The following ASB5 variants were observed in gnomAD, a reference collection of about 807,000 sequenced individuals.
The protein encoded by ASB5 is ankyrin repeat and SOCS box protein 5.
ASB5 carries 45 observed loss-of-function variants against 42.1 expected under a neutral mutation model. The observed-to-expected ratio is 1.07, with a 90% CI of 0.84 to 1.37. ASB5 has a LOEUF of 1.37. Ranked by LOEUF, ASB5 falls within the 40% of genes most tolerant of loss-of-function variation. The probability of loss-of-function intolerance (pLI) is 0.00; values close to 1 mark genes in which losing one functional copy is unlikely to be tolerated. For missense variants in ASB5, 402 were observed against 399.8 expected, an observed-to-expected ratio of 1.01 and a Z score of -0.05; for synonymous variants, 147 against 150.6, an observed-to-expected ratio of 0.98 and a Z score of 0.18.
At chr4:176,229,120 T>C (rs1361597296) in intron 1 of ASB5, among the ~76,000 whole-genome samples, 1 of 152,214 alleles carries the variant, frequency 6.6e-6, no homozygotes, top group Admixed American at 6.5e-5. Flanking sequence ...CTTATAATAT[T>C]TATAATGATC....
At chr4:176,254,690 C>T (rs1478660055) in intron 1 of ASB5, among the ~76,000 whole-genome samples, 1 of 152,096 alleles carries the variant, frequency 6.6e-6, no homozygotes, top group Non-Finnish European at 1.5e-5. Context: ...CTATAAGGAA[C>T]TTAATTCAAC....
chr4:176,241,772 C>T, intron 1 of ASB5: 1 of 817,598 alleles, frequency 1.2e-6, no homozygotes. Context: ...TTCCAAAGGT[C>T]ATTCATTTAT....
At chr4:176,219,273 G>T (rs1257795363) in intron 5 of ASB5, among the ~76,000 whole-genome samples, 7 of 101,226 alleles carry the variant, frequency 6.9e-5, no homozygotes, top group African/African-American at 2.4e-4. Context: ...ATATATATTT[G>T]TATGATATAT....
intron 5 of ASB5, 152 bp from the exon 6 acceptor site, chr4:176,217,161 A>G: frequency 1.6e-6 from 1 of 613,326 alleles, no homozygotes; most frequent in African/African-American, 1.8e-5. Flanking sequence ...ATATACATAT[A>G]CAGTATCTAC....
In ASB5 at chr4:176,219,024, A is replaced by C; in HGVS notation, c.671-2015T>G. Reference sequence around the variant, plus strand: ...TATAAATATATATGTATGATATATAAATATATATTTGTATGATATATAAAT... The same window carrying C: ...TATAAATATATATGTATGATATATACATATATATTTGTATGATATATAAAT... On this transcript the variant is annotated intron_variant, in intron 5 of 6. Coordinates refer to ENST00000296525, the MANE Select transcript of ASB5 (RefSeq NM_080874.4). Among the ~76,000 whole-genome samples the C allele has an allele frequency of 8.2e-5, 2 of 24,264 alleles. 1 individual carries two copies. The highest frequency in any genetic ancestry group is 1.6e-3 in the East Asian group (2 of 1,268). The allele number at this position is 24,264 out of a possible 152,430, so 15.9% of individuals were successfully genotyped here. A position where few individuals can be genotyped will look rare whatever the true frequency, so the allele number is the denominator to read the frequency against.
chr4:176,234,932 G>T (rs937936789), intron 1 of ASB5, among the ~76,000 whole-genome samples: 2 of 152,194 alleles, frequency 1.3e-5, no homozygotes, highest in African/African-American at 4.8e-5. Context: ...TCAATGTTAT[G>T]ATTTCCATTG....
chr4:176,241,508 G>A (rs1439579124), intron 1 of ASB5: 2 of 1,535,292 alleles, frequency 1.3e-6, no homozygotes, highest in Admixed American at 2.0e-5. Flanking sequence ...TCTGGAAGGG[G>A]CCATTATTCA....
intron 1 of ASB5, among the ~76,000 whole-genome samples, chr4:176,235,105 A>G (rs1753652951): frequency 6.6e-6 from 1 of 152,228 alleles, no homozygotes; most frequent in Non-Finnish European, 1.5e-5. Context: ...CTGTTATTCC[A>G]TAATGAGTCC....
rs1752939066 is a variant in ASB5, at chr4:176,215,392, AT to A, written c.*207del. ...TATATTGAAATAACAAAAAATAGAT[AT>A]TATAAATATGCTATAATCCAAAGAC... On this transcript the variant is annotated 3_prime_UTR_variant, in exon 7 of 7. Coordinates refer to ENST00000296525, the MANE Select transcript of ASB5 (RefSeq NM_080874.4). 1 of 377,090 alleles carries A rather than the reference AT, an allele frequency of 2.7e-6. No homozygotes were observed. Among genetic ancestry groups the A allele is most frequent in the Admixed American group, 4.5e-5 (1 of 22,372 alleles). The allele number at this position is 377,090 out of a possible 1,614,324, so 23.4% of individuals were successfully genotyped here.
At chr4:176,223,861 C>T (rs138600695) in intron 2 of ASB5, among the ~76,000 whole-genome samples, 1 of 152,320 alleles carries the variant, frequency 6.6e-6, no homozygotes, top group East Asian at 1.9e-4. Context: ...TGTCCTAAGA[C>T]TGCTCTTCTT....
intron 2 of ASB5, among the ~76,000 whole-genome samples, chr4:176,222,785 G>A (rs549007501): frequency 1.3e-5 from 2 of 152,106 alleles, no homozygotes; most frequent in Non-Finnish European, 2.9e-5. Flanking sequence ...TTTTGTTTTT[G>A]TTTTTGTTTT....
chr4:176,248,139 A>G (rs1332042050), intron 1 of ASB5, among the ~76,000 whole-genome samples: 3 of 152,024 alleles, frequency 2.0e-5, no homozygotes, highest in Non-Finnish European at 2.9e-5. Context: ...TTATCTTTTC[A>G]TTTTTTTGAG....
intron 1 of ASB5, among the ~76,000 whole-genome samples, chr4:176,277,040 C>T (rs971405613): frequency 5.9e-5 from 9 of 152,242 alleles, no homozygotes; most frequent in African/African-American, 2.2e-4. Flanking sequence ...CCCTCTGAGC[C>T]TGTTTTCTCA....
intron 1 of ASB5, among the ~76,000 whole-genome samples, chr4:176,256,977 G>C (rs1011946156): frequency 2.6e-5 from 4 of 152,112 alleles, no homozygotes; most frequent in Non-Finnish European, 5.9e-5. Flanking sequence ...AAGGAGCAGA[G>C]AAAATAAAGG....
chr4:176,251,838 G>A (rs144005505), intron 1 of ASB5, among the ~76,000 whole-genome samples: 6 of 151,264 alleles, frequency 4.0e-5, no homozygotes, highest in Non-Finnish European at 7.4e-5. Context: ...GAGGCGGGAG[G>A]ATCACTTAAG....
Position 176,265,677 on chromosome 4 carries a change from G to A in ASB5, c.196+3236C>T, listed in dbSNP as rs114649879. On this transcript the variant is annotated intron_variant, in intron 1 of 6. Transcript: ENST00000296525. ...TCAAGAAGTTTATGGCTTCTTCTAGGCCTTTGGTATGATTTCACCAAATTA... is the reference window on the plus strand; with the variant it reads ...TCAAGAAGTTTATGGCTTCTTCTAGACCTTTGGTATGATTTCACCAAATTA... Among the ~76,000 whole-genome samples, 1,470 of 152,198 alleles carry A rather than the reference G, an allele frequency of 9.7e-3. 10 individuals are homozygous for A. Among genetic ancestry groups the A allele is most frequent in the Non-Finnish European group, 0.016 (1,093 of 68,004 alleles).
At chr4:176,257,931 A>C (rs996607877) in intron 1 of ASB5, among the ~76,000 whole-genome samples, 1 of 152,186 alleles carries the variant, frequency 6.6e-6, no homozygotes, top group Non-Finnish European at 1.5e-5. Flanking sequence ...GATCTAACCA[A>C]AGAGCTAATA....
intron 1 of ASB5, among the ~76,000 whole-genome samples, chr4:176,233,496 T>C (rs1021427648): frequency 7.9e-5 from 12 of 152,206 alleles, no homozygotes; most frequent in Non-Finnish European, 1.0e-4. Context: ...TTTTCATTTC[T>C]CTATTGGTTT....
At chr4:176,268,176 A>G (rs1754394589) in intron 1 of ASB5, among the ~76,000 whole-genome samples, 1 of 152,162 alleles carries the variant, frequency 6.6e-6, no homozygotes, top group Non-Finnish European at 1.5e-5. Flanking sequence ...TACCGACCCA[A>G]TAGAACCTAA....
Sources: gnomAD v4.1 joint callset for allele counts (sites outside exome capture counted in the v4.1 genomes callset) on GRCh38, gnomAD v4.1.1 for gene constraint, MANE v1.5 for transcripts, NCBI Gene and HGNC (gene_info 2026-07-23, HGNC 2026-07-21) for gene names.